ARHGAP15: variants seen among roughly 807,000 people sequenced by gnomAD.
The protein encoded by ARHGAP15 is rho GTPase-activating protein 15.
A neutral mutation model predicts 63.7 loss-of-function variants in ARHGAP15; 51 were observed. The ratio of observed to expected loss-of-function variants is 0.80; its 90% CI spans 0.64 to 1.01. ARHGAP15 has a LOEUF of 1.01. ARHGAP15 is among the 50% of genes least tolerant of loss of function. The probability of loss-of-function intolerance (pLI) is 0.00; values close to 1 mark genes in which losing one functional copy is unlikely to be tolerated. For synonymous variants in ARHGAP15, 191 were observed against 193.8 expected (o/e 0.99, Z 0.12); for missense variants, 560 against 564.6 (o/e 0.99, Z 0.08).
At chr2:143,454,710 A>C (rs1033247531) in intron 8 of ARHGAP15, among the ~76,000 whole-genome samples, 1 of 152,096 alleles carries the variant, frequency 6.6e-6, no homozygotes. Flanking sequence ...TCTGTGTTGT[A>C]ATATATTCAT....
intron 3 of ARHGAP15, among the ~76,000 whole-genome samples, chr2:143,215,146 T>A (rs1014648156): frequency 6.6e-6 from 1 of 152,194 alleles, no homozygotes; most frequent in African/African-American, 2.4e-5. Context: ...CAACATGATC[T>A]GATATGTGCT....
In ARHGAP15 at chr2:143,255,909, C is replaced by T. The variant is rs147951278; in HGVS notation, c.474+5309C>T. Among the ~76,000 whole-genome samples the T allele has an allele frequency of 8.5e-5, 13 of 152,186 alleles. No homozygotes were observed. In the East Asian group the frequency reaches 2.3e-3, roughly 27 times the overall value. ...ACGTCTAACACAGTTGTTTTTTGCC[C>T]TACAGCTTGTCCCCAATCATTTCAT... On this transcript the variant is annotated intron_variant, in intron 6 of 13. Transcript: ENST00000295095.
At chr2:143,298,121 C>A (rs1294899358) in intron 6 of ARHGAP15, among the ~76,000 whole-genome samples, 1 of 151,860 alleles carries the variant, frequency 6.6e-6, no homozygotes, top group Admixed American at 6.6e-5. Context: ...TATCAATTGC[C>A]AAAACAAATA....
intron 13 of ARHGAP15, among the ~76,000 whole-genome samples, chr2:143,724,976 C>G (rs1396842316): frequency 6.6e-6 from 1 of 152,214 alleles, no homozygotes; most frequent in Non-Finnish European, 1.5e-5. Flanking sequence ...TAACCACACT[C>G]TAGCACAGAG....
chr2:143,160,861 C>T (rs1490084897), intron 2 of ARHGAP15, among the ~76,000 whole-genome samples: 5 of 151,912 alleles, frequency 3.3e-5, no homozygotes, highest in East Asian at 1.9e-4. Context: ...AAGTTTATGA[C>T]GACAGTGAAG....
At chr2:143,730,892 TAAAAAAAA>T (rs1158246680) in intron 13 of ARHGAP15, among the ~76,000 whole-genome samples, 71 of 84,034 alleles carry the variant, frequency 8.4e-4, no homozygotes, top group African/African-American at 2.0e-3. Flanking sequence ...AGCACTCCTT[TAAAAAAAA>T]AAAAAAAAAA....
intron 8 of ARHGAP15, among the ~76,000 whole-genome samples, chr2:143,456,514 G>A (rs1264474921): frequency 3.3e-5 from 5 of 151,952 alleles, no homozygotes; most frequent in South Asian, 4.2e-4. Flanking sequence ...GAAAAAAATT[G>A]TAATCAATCT....
chr2:143,144,889 G>A (rs187420994), intron 1 of ARHGAP15, among the ~76,000 whole-genome samples: 46 of 152,096 alleles, frequency 3.0e-4, no homozygotes, highest in East Asian at 1.4e-3. Flanking sequence ...ACAATAATGC[G>A]CGTATAAAAT....
intron 8 of ARHGAP15, among the ~76,000 whole-genome samples, chr2:143,473,748 C>A (rs895038491): frequency 6.6e-6 from 1 of 152,098 alleles, no homozygotes; most frequent in Non-Finnish European, 1.5e-5. Flanking sequence ...TTGCTAAGTG[C>A]ATTTTCCTTT....
intron 6 of ARHGAP15, among the ~76,000 whole-genome samples, chr2:143,364,209 A>AC (rs1558921919): frequency 2.6e-3 from 395 of 150,232 alleles, no homozygotes; most frequent in African/African-American, 9.4e-3. Flanking sequence ...ACAACAAAAA[A>AC]AAAAAAAAAA....
At chr2:143,751,662 G>A (rs139221265) in intron 13 of ARHGAP15, among the ~76,000 whole-genome samples, 10 of 152,236 alleles carry the variant, frequency 6.6e-5, no homozygotes, top group African/African-American at 1.2e-4. Flanking sequence ...TCTGCTGGTC[G>A]TGGTGGCTGC....
intron 6 of ARHGAP15, among the ~76,000 whole-genome samples, chr2:143,257,947 ATC>A (rs1255299251): frequency 6.6e-6 from 1 of 152,106 alleles, no homozygotes; most frequent in Non-Finnish European, 1.5e-5. Context: ...CCTTTTTCAT[ATC>A]TGTTTCAATA....
At chr2:143,379,305 G>T (rs933736564) in intron 6 of ARHGAP15, among the ~76,000 whole-genome samples, 9 of 151,900 alleles carry the variant, frequency 5.9e-5, no homozygotes, top group African/African-American at 1.9e-4. Flanking sequence ...ATAGTAAAAT[G>T]ACCCACACTG....
At chr2:143,227,114 G>A (rs1693241011) in intron 4 of ARHGAP15, among the ~76,000 whole-genome samples, 1 of 152,080 alleles carries the variant, frequency 6.6e-6, no homozygotes, top group Non-Finnish European at 1.5e-5. Context: ...ATGCTCTAAT[G>A]GGTAGAAACT....
chr2:143,730,929 C>CG (rs1685501939), intron 13 of ARHGAP15, among the ~76,000 whole-genome samples: 1 of 87,326 alleles, frequency 1.1e-5, no homozygotes, highest in African/African-American at 5.4e-5. Flanking sequence ...GGGAAAAAGG[C>CG]TTTTTTTTTT....
intron 11 of ARHGAP15, chr2:143,601,645 T>C (rs1004431064): frequency 6.6e-6 from 1 of 152,130 alleles, no homozygotes; most frequent in Non-Finnish European, 1.5e-5. Context: ...GTGCTTCAAA[T>C]TTTGTATGAT....
intron 12 of ARHGAP15, among the ~76,000 whole-genome samples, chr2:143,692,086 A>G (rs1420059645): frequency 6.6e-6 from 1 of 152,224 alleles, no homozygotes; most frequent in Non-Finnish European, 1.5e-5. Flanking sequence ...TAGGTTTTGC[A>G]AGCAAGGCTG....
intron 9 of ARHGAP15, 76 bp from the exon 10 acceptor site, chr2:143,519,190 G>T: frequency 1.8e-6 from 2 of 1,128,438 alleles, no homozygotes; most frequent in East Asian, 2.4e-5. Context: ...GCATGCAATG[G>T]ATATGGAAAC....
chr2:143,738,028 C>G (rs565488654), intron 13 of ARHGAP15, among the ~76,000 whole-genome samples: 21 of 152,104 alleles, frequency 1.4e-4, no homozygotes, highest in Non-Finnish European at 2.8e-4. Context: ...AAAGTTGAAA[C>G]CTGTTCGTTT....
Sources: allele counts gnomAD v4.1 joint callset (sites outside exome capture counted in the v4.1 genomes callset), GRCh38; gene constraint gnomAD v4.1.1; transcripts MANE v1.5; gene names NCBI Gene and HGNC (gene_info 2026-07-23, HGNC 2026-07-21).